CHODL: variants seen among roughly 807,000 people sequenced by gnomAD.
The protein encoded by CHODL is transmembrane protein MT75.
CHODL carries 29 observed loss-of-function variants against 34.5 expected under a neutral mutation model. That is an observed-to-expected ratio of 0.84 (90% CI 0.63 to 1.15). The LOEUF (loss-of-function observed/expected upper bound fraction) is 1.15. Among genes scored for constraint, CHODL ranks in the 50% most tolerant of loss-of-function variants. CHODL has a pLI of 0.00. For missense variants in CHODL, 332 were observed against 332.5 expected (o/e 1.00, Z 0.01); for synonymous variants, 125 against 116.1 (o/e 1.08, Z -0.49).
chr21:18,176,932 A>T (rs1304841819), intron 2 of CHODL, among the ~76,000 whole-genome samples: 1 of 152,208 alleles, frequency 6.6e-6, no homozygotes, highest in East Asian at 1.9e-4. Context: ...GAAAATAAAC[A>T]CAACATTCAT....
intron 2 of CHODL, among the ~76,000 whole-genome samples, chr21:18,057,302 C>G (rs980574485): frequency 3.9e-5 from 6 of 152,066 alleles, no homozygotes; most frequent in African/African-American, 1.4e-4. Flanking sequence ...TCCTCTCTGT[C>G]TCTATCTGAA....
intron 2 of CHODL, among the ~76,000 whole-genome samples, chr21:18,090,030 A>G (rs2065053080): frequency 6.6e-6 from 1 of 152,252 alleles, no homozygotes; most frequent in African/African-American, 2.4e-5. Context: ...CTGATACAAT[A>G]AACAATATTA....
In CHODL at chr21:18,064,399, AAATG is replaced by A. The variant is rs2064705620; in HGVS notation, c.-45+36432_-45+36435del. ...TTAATATTTTTTGCTAAATTAATAA[AAATG>A]AATCCAAATTAAACAGGTATACTAA... On this transcript the variant is annotated intron_variant, in intron 2 of 6. Coordinates refer to the CHODL transcript ENST00000400127. Among the ~76,000 whole-genome samples, 5 of 152,234 alleles carry A rather than the reference AAATG, an allele frequency of 3.3e-5. No individual in the cohort carries two copies. The South Asian group carries it at 1.0e-3, about 32-fold the overall frequency.
intron 2 of CHODL, among the ~76,000 whole-genome samples, chr21:18,194,640 A>C (rs1358168142): frequency 1.3e-5 from 2 of 152,124 alleles, no homozygotes; most frequent in East Asian, 1.9e-4. Context: ...TTTGACAAAT[A>C]AAAATTGTAT....
intron 1 of CHODL, among the ~76,000 whole-genome samples, chr21:17,977,623 G>A (rs1018378975): frequency 4.0e-5 from 6 of 149,120 alleles, no homozygotes; most frequent in East Asian, 2.0e-4. Flanking sequence ...GCCTCCCAAA[G>A]TGCTGGGATG....
chr21:18,245,346 G>T, intron 1 of CHODL, 44 bp downstream of exon 1: 2 of 1,448,532 alleles, frequency 1.4e-6, no homozygotes, highest in South Asian at 2.6e-5. Context: ...GGGGAGAGGG[G>T]ACCACGGGGC....
At chr21:17,937,336 G>A (rs990097980) in intron 1 of CHODL, among the ~76,000 whole-genome samples, 1 of 152,078 alleles carries the variant, frequency 6.6e-6, no homozygotes, top group Non-Finnish European at 1.5e-5. Flanking sequence ...AACACAGAGG[G>A]CCCGTTTGAA....
At chr21:18,173,949 C>A (rs1020987773) in intron 2 of CHODL, among the ~76,000 whole-genome samples, 2 of 150,860 alleles carry the variant, frequency 1.3e-5, no homozygotes, top group Non-Finnish European at 3.0e-5. Flanking sequence ...GTACTTATAA[C>A]ACTACTATTT....
At chr21:18,227,307 G>C (rs1436798059) in intron 2 of CHODL, among the ~76,000 whole-genome samples, 1 of 152,112 alleles carries the variant, frequency 6.6e-6, no homozygotes, top group Non-Finnish European at 1.5e-5. Flanking sequence ...AAATACTATA[G>C]AATTTTCTAA....
intron 5 of CHODL, 43 bp downstream of exon 5, chr21:18,262,936 AT>A (rs1176263575): frequency 7.3e-6 from 8 of 1,091,058 alleles, no homozygotes; most frequent in Non-Finnish European, 8.4e-6. Flanking sequence ...AAAACTTTAA[AT>A]AGGTTTTCAG....
chr21:18,073,568 C>T (rs1422257218), intron 2 of CHODL, among the ~76,000 whole-genome samples: 1 of 151,970 alleles, frequency 6.6e-6, no homozygotes, highest in Non-Finnish European at 1.5e-5. Context: ...AAAAAAATTT[C>T]CACCTTATCT....
At chr21:18,172,698 C>T (rs374165999) in intron 2 of CHODL, among the ~76,000 whole-genome samples, 106 of 152,218 alleles carry the variant, frequency 7.0e-4, no homozygotes, top group Non-Finnish European at 1.0e-3. Context: ...AGTGGATCTT[C>T]AGAAGTCCTT....
intron 2 of CHODL, among the ~76,000 whole-genome samples, chr21:18,098,789 G>T (rs982831836): frequency 6.6e-6 from 1 of 152,066 alleles, no homozygotes; most frequent in Non-Finnish European, 1.5e-5. Flanking sequence ...GTTTGTTACA[G>T]CACTGCTCAC....
chr21:18,183,071 A>G (rs1445485234), intron 2 of CHODL, among the ~76,000 whole-genome samples: 1 of 152,212 alleles, frequency 6.6e-6, no homozygotes, highest in East Asian at 1.9e-4. Flanking sequence ...GAGGACAACC[A>G]CTAAAAACCT....
intron 1 of CHODL, among the ~76,000 whole-genome samples, chr21:17,964,081 A>G (rs1265166709): frequency 6.6e-6 from 1 of 152,230 alleles, no homozygotes; most frequent in African/African-American, 2.4e-5. Context: ...AGACTTGTTA[A>G]ATCAGAGATT....
intron 1 of CHODL, among the ~76,000 whole-genome samples, chr21:17,977,270 G>A (rs917832833): frequency 5.3e-5 from 8 of 152,030 alleles, no homozygotes; most frequent in Non-Finnish European, 8.8e-5. Context: ...AGAAAAAGCA[G>A]GACATGTTTT....
At chr21:18,005,855 C>T (rs1411854274) in intron 1 of CHODL, among the ~76,000 whole-genome samples, 1 of 152,138 alleles carries the variant, frequency 6.6e-6, no homozygotes, top group Non-Finnish European at 1.5e-5. Context: ...GAGCATCAGG[C>T]AGAATAGCTA....
chr21:18,112,583 C>G (rs2065363925), intron 2 of CHODL, among the ~76,000 whole-genome samples: 1 of 152,110 alleles, frequency 6.6e-6, no homozygotes, highest in Admixed American at 6.6e-5. Context: ...ACCAATGGAA[C>G]AGAATAGAGA....
intron 2 of CHODL, among the ~76,000 whole-genome samples, chr21:18,044,843 T>A (rs892865472): frequency 6.6e-6 from 1 of 151,882 alleles, no homozygotes; most frequent in Non-Finnish European, 1.5e-5. Flanking sequence ...TTCACAGAGT[T>A]GTAAGGGCTT....
Sources: allele counts gnomAD v4.1 joint callset (sites outside exome capture counted in the v4.1 genomes callset), GRCh38; gene constraint gnomAD v4.1.1; transcripts MANE v1.5; gene names NCBI Gene and HGNC (gene_info 2026-07-23, HGNC 2026-07-21).